The following TGFB2 variants were observed in gnomAD, a reference collection of about 807,000 sequenced individuals.
The protein encoded by TGFB2 is transforming growth factor beta 2.
In TGFB2, 13 loss-of-function variants were observed where a neutral mutation model predicts 42.7. That is an observed-to-expected ratio of 0.30 (90% CI 0.20 to 0.48). The LOEUF (loss-of-function observed/expected upper bound fraction) is 0.48. Ranked by LOEUF, TGFB2 falls within the 20% of genes least tolerant of loss-of-function variation. The pLI is 0.99. For missense variants in TGFB2, 390 were observed against 517.5 expected, an observed-to-expected ratio of 0.75 and a Z score of 2.39; for synonymous variants, 193 against 193.6, an observed-to-expected ratio of 1.00 and a Z score of 0.03.
chr1:218,392,361 C>T (rs1658343913), intron 1 of TGFB2, among the ~76,000 whole-genome samples: 1 of 151,982 alleles, frequency 6.6e-6, no homozygotes, highest in South Asian at 2.1e-4. Context: ...TCAAAACAAA[C>T]AAACAAACAA....
intron 1 of TGFB2, among the ~76,000 whole-genome samples, chr1:218,394,234 T>C (rs1424586019): frequency 6.6e-6 from 1 of 152,134 alleles, no homozygotes; most frequent in Non-Finnish European, 1.5e-5. Flanking sequence ...ACATCAACAG[T>C]TGGCCTGCCC....
rs959815933 is a variant in TGFB2, at chr1:218,346,999, G to C, written c.298G>C (p.Ala100Pro). 1.2e-6 allele frequency: 2 copies of C among 1,611,060 alleles called. No individual in the cohort carries two copies. Among genetic ancestry groups the C allele is most frequent in the Non-Finnish European group, 1.7e-6 (2 of 1,178,508 alleles). The change falls in exon 1 of 7, where the codon GCC (alanine) becomes CCC (proline). Residue 100 changes from alanine to proline, a missense_variant. Coordinates refer to ENST00000366930, the MANE Select transcript of TGFB2 (RefSeq NM_003238.6). The surrounding 1 kb of genome is among the most constrained non-coding windows in gnomAD (Gnocchi z 4.9). ...ERERSDEEYYAKEVYKIDMPP... is the reference protein window; with the variant it reads ...ERERSDEEYYPKEVYKIDMPP... ...CGAGAGGAGCGACGAAGAGTACTACGCCAAGGAGGTTTACAAAATAGACAT... is the reference window on the plus strand; with the variant it reads ...CGAGAGGAGCGACGAAGAGTACTACCCCAAGGAGGTTTACAAAATAGACAT...
chr1:218,346,613 A>G lies in TGFB2; in HGVS notation c.-89A>G, dbSNP rs2102527100. 2 of 1,215,318 alleles carry G rather than the reference A, an allele frequency of 1.6e-6. No homozygotes were observed. The highest frequency in any genetic ancestry group is 5.2e-5 in the East Asian group (2 of 38,638). 75.3% of individuals were successfully genotyped at this position (1,215,318 alleles called of 1,614,324 possible). A position where few individuals can be genotyped will look rare whatever the true frequency, so the allele number is the denominator to read the frequency against. On this transcript the variant is annotated 5_prime_UTR_variant, in exon 1 of 7. Transcript: ENST00000366930. This position sits in a 1 kb window ranked among gnomAD's most constrained non-coding sequence, Gnocchi z 4.9. ...AACAACAACAACAAAAAACCAAACA[A>G]CTCTCCTTGATCTATACTTTGAGAA...
At chr1:218,413,063 C>G (rs533176514) in intron 2 of TGFB2, among the ~76,000 whole-genome samples, 1 of 152,128 alleles carries the variant, frequency 6.6e-6, no homozygotes, top group Admixed American at 6.5e-5. Context: ...GCAGAAGCTG[C>G]AAGTCCTCTT....
At chr1:218,358,696 C>T (rs1657116771) in intron 1 of TGFB2, among the ~76,000 whole-genome samples, 1 of 151,870 alleles carries the variant, frequency 6.6e-6, no homozygotes, top group South Asian at 2.1e-4. Context: ...CTACAGGCAC[C>T]CCCCACCATG....
At chr1:218,407,559 A>G (rs1357644969) in intron 2 of TGFB2, among the ~76,000 whole-genome samples, 2 of 152,228 alleles carry the variant, frequency 1.3e-5, no homozygotes, top group African/African-American at 4.8e-5. Context: ...GTGACCAGAC[A>G]CTATGCTGAG....
At chr1:218,381,670 T>C (rs1236904026) in intron 1 of TGFB2, among the ~76,000 whole-genome samples, 1 of 152,150 alleles carries the variant, frequency 6.6e-6, no homozygotes, top group African/African-American at 2.4e-5. Context: ...AGTGACAAGA[T>C]CACAAATAAA....
At chr1:218,402,783 T>G (rs964011307) in intron 1 of TGFB2, among the ~76,000 whole-genome samples, 4 of 152,202 alleles carry the variant, frequency 2.6e-5, no homozygotes, top group African/African-American at 9.6e-5. Context: ...TCCAGGATGC[T>G]CCTTCAAAGG....
chr1:218,435,669 G>A (rs1272716139), intron 4 of TGFB2, among the ~76,000 whole-genome samples: 1 of 152,190 alleles, frequency 6.6e-6, no homozygotes, highest in Non-Finnish European at 1.5e-5. Context: ...AAACTGCCTA[G>A]ATTGCCCTTG....
chr1:218,397,713 C>A (rs1420273030), intron 1 of TGFB2, among the ~76,000 whole-genome samples: 1 of 152,170 alleles, frequency 6.6e-6, no homozygotes. Context: ...AGACCACCAT[C>A]CATACTCTTT....
At chr1:218,395,447 G>C (rs990257277) in intron 1 of TGFB2, among the ~76,000 whole-genome samples, 2 of 152,132 alleles carry the variant, frequency 1.3e-5, no homozygotes, top group African/African-American at 4.8e-5. Context: ...GCATGTGTTG[G>C]TGTTTCTGCC....
chr1:218,402,011 A>G (rs1399044322), intron 1 of TGFB2, among the ~76,000 whole-genome samples: 2 of 152,264 alleles, frequency 1.3e-5, no homozygotes, highest in African/African-American at 4.8e-5. Context: ...CTTGTGACCC[A>G]GAGCAGATGA....
chr1:218,353,333 A>C (rs377638644), intron 1 of TGFB2, among the ~76,000 whole-genome samples: 18 of 152,166 alleles, frequency 1.2e-4, no homozygotes, highest in African/African-American at 3.1e-4. Context: ...GGCTGGAAAC[A>C]GAGAACATAG....
Position 218,434,478 on chromosome 1 carries a change from G to A in TGFB2, c.754+30G>A, listed in dbSNP as rs768749450. 1.2e-5 allele frequency: 16 copies of A among 1,376,630 alleles called. No individual in the cohort carries two copies. In the Middle Eastern group the frequency reaches 8.8e-4, roughly 76 times the overall value. 85.3% of individuals were successfully genotyped at this position (1,376,630 alleles called of 1,614,324 possible). A position where few individuals can be genotyped will look rare whatever the true frequency, so the allele number is the denominator to read the frequency against. On this transcript the variant is annotated intron_variant, in intron 4 of 6. Transcript: ENST00000366930. Reference sequence around the variant, plus strand: ...CCAAAACTTGGTCATATGAGGTGGGGGAGGGAAGGGTCTATATTGATAATC... The same window carrying A: ...CCAAAACTTGGTCATATGAGGTGGGAGAGGGAAGGGTCTATATTGATAATC...
chr1:218,389,767 A>G (rs1288680309), intron 1 of TGFB2, among the ~76,000 whole-genome samples: 3 of 152,222 alleles, frequency 2.0e-5, no homozygotes, highest in Admixed American at 6.5e-5. Flanking sequence ...CAATTGTAGA[A>G]GTCACTATTT....
chr1:218,409,941 G>A (rs1659042216), intron 2 of TGFB2, among the ~76,000 whole-genome samples: 2 of 152,196 alleles, frequency 1.3e-5, no homozygotes, highest in Non-Finnish European at 1.5e-5. Flanking sequence ...GTGTGCACAC[G>A]TGCCTGTGAA....
intron 1 of TGFB2, among the ~76,000 whole-genome samples, chr1:218,360,545 A>G (rs1413371423): frequency 1.3e-5 from 2 of 152,134 alleles, no homozygotes; most frequent in Non-Finnish European, 2.9e-5. Context: ...ATCAGGATTC[A>G]TTGCTAATGC....
chr1:218,431,145 G>A (rs891377247), intron 2 of TGFB2, among the ~76,000 whole-genome samples: 2 of 152,172 alleles, frequency 1.3e-5, no homozygotes, highest in African/African-American at 4.8e-5. Flanking sequence ...TTTCTTGGGT[G>A]GTTTATATGT....
In TGFB2 at chr1:218,409,771, TA is replaced by T. The variant is rs1357724494; in HGVS notation, c.510+4440del. Among the ~76,000 whole-genome samples the T allele has an allele frequency of 3.3e-5, 5 of 152,220 alleles. No individual in the cohort carries two copies. In the South Asian group the frequency reaches 1.0e-3, roughly 31 times the overall value. ...TTGAAGTTCTTGGATACCCTTTGAT[TA>T]CTGTACTACTTGACACACAATTGGC... On this transcript the variant is annotated intron_variant, in intron 2 of 6. Coordinates refer to ENST00000366930, the MANE Select transcript of TGFB2 (RefSeq NM_003238.6).
Sources: gnomAD v4.1 joint callset for allele counts (sites outside exome capture counted in the v4.1 genomes callset) on GRCh38, gnomAD v4.1.1 for gene constraint, Gnocchi (gnomAD v3.1) non-coding constraint, MANE v1.5 for transcripts, NCBI Gene and HGNC (gene_info 2026-07-23, HGNC 2026-07-21) for gene names.